Variants in PLEKHG1 observed in about 807,000 individuals in gnomAD.
The protein encoded by PLEKHG1 is pleckstrin homology domain-containing family G member 1.
A neutral mutation model predicts 100.8 loss-of-function variants in PLEKHG1; 44 were observed. The ratio of observed to expected loss-of-function variants is 0.44; its 90% CI spans 0.34 to 0.56. PLEKHG1 has a LOEUF of 0.56. Among genes scored for constraint, PLEKHG1 ranks in the 20% least tolerant of loss-of-function variants. PLEKHG1 has a pLI of 0.01. For synonymous variants in PLEKHG1, 640 were observed against 662.5 expected, an observed-to-expected ratio of 0.97 and a Z score of 0.52; for missense variants, 1,545 against 1,720.9, an observed-to-expected ratio of 0.90 and a Z score of 1.81.
intron 1 of PLEKHG1, among the ~76,000 whole-genome samples, chr6:150,632,632 A>C (rs1484822596): frequency 6.6e-6 from 1 of 152,250 alleles, no homozygotes; most frequent in African/African-American, 2.4e-5. Flanking sequence ...CAAATGTCCT[A>C]GGGCCATTAT....
Position 150,809,372 on chromosome 6 carries a change from C to T in PLEKHG1, c.1096-9C>T, listed in dbSNP as rs1279170642. 6.2e-7 allele frequency: 1 copy of T among 1,613,336 alleles called. No homozygotes were observed. On this transcript the variant is annotated splice_polypyrimidine_tract_variant and intron_variant, in intron 8 of 15. Transcript: ENST00000358517. ...GTGTGCCTCACCCTCTCTGCTCTCTCTGCTCTAGTGTGGCAACCTCATGCT... is the reference window on the plus strand; with the variant it reads ...GTGTGCCTCACCCTCTCTGCTCTCTTTGCTCTAGTGTGGCAACCTCATGCT...
rs1219559813 is a variant in PLEKHG1 at position 150,600,213 on chromosome 6, G to C, written c.-204+196G>C. Reference sequence around the variant, plus strand: ...GGGGGCGCCGAGCGGTGGGGACAGAGGGCGCCGGGGGCACCGCGCGGTGGG... The same window carrying C: ...GGGGGCGCCGAGCGGTGGGGACAGACGGCGCCGGGGGCACCGCGCGGTGGG... On this transcript the variant is annotated intron_variant, in intron 1 of 3. Coordinates refer to the PLEKHG1 transcript ENST00000367326. The surrounding 1 kb of genome is among the most constrained non-coding windows in gnomAD (Gnocchi z 6.2). Among the ~76,000 whole-genome samples the C allele has an allele frequency of 6.6e-6, 1 of 151,140 alleles. No homozygotes were observed. Among genetic ancestry groups the C allele is most frequent in the Admixed American group, 6.6e-5 (1 of 15,202 alleles).
At position 150,706,314 on chromosome 6, in the gene PLEKHG1, A is replaced by G. The variant is rs1246942214; in HGVS notation, c.-98-27270A>G. On this transcript the variant is annotated intron_variant, in intron 3 of 3. Transcript: ENST00000367326. ...GTCTTGATGTTCCATCAAGTTGTCA[A>G]TTTCAAAAACTATGCCAGGCATGGT... is the stretch of plus-strand genomic sequence containing the variant. 2.0e-5 allele frequency among the ~76,000 whole-genome samples: 3 copies of G among 152,056 alleles called. No individual in the cohort carries two copies. In the South Asian group the frequency reaches 6.2e-4, roughly 32 times the overall value.
chr6:150,721,253 T>G, intron 1 of PLEKHG1: 16 of 824,552 alleles, frequency 1.9e-5, no homozygotes, highest in South Asian at 5.5e-5. Context: ...CAAACGCTCC[T>G]TCCCTCTGGG....
intron 1 of PLEKHG1, among the ~76,000 whole-genome samples, chr6:150,628,206 A>G (rs1484275561): frequency 6.6e-6 from 1 of 152,204 alleles, no homozygotes; most frequent in African/African-American, 2.4e-5. Context: ...ACTGGCAATG[A>G]AGCAATGATT....
chr6:150,624,005 G>A (rs1298667644), intron 1 of PLEKHG1, among the ~76,000 whole-genome samples: 4 of 152,226 alleles, frequency 2.6e-5, no homozygotes, highest in African/African-American at 9.6e-5. Context: ...TCAGATTAAT[G>A]TATTAGATTA....
At chr6:150,604,801 G>A (rs1164094160) in intron 1 of PLEKHG1, among the ~76,000 whole-genome samples, 1 of 152,176 alleles carries the variant, frequency 6.6e-6, no homozygotes, top group Non-Finnish European at 1.5e-5. Flanking sequence ...ATGCTGAATG[G>A]GGGAGAGAAG....
intron 3 of PLEKHG1, among the ~76,000 whole-genome samples, chr6:150,779,345 T>TTTGTTTTTTTTTTTTTTG (rs1265492590): frequency 1.2e-5 from 1 of 84,156 alleles, no homozygotes; most frequent in African/African-American, 8.8e-5. Context: ...TGTCAAGAAG[T>TTTGTTTTTTTTTTTTTTG]TTTTTTTTTT....
At chr6:150,676,977 C>T (rs1313223479) in intron 3 of PLEKHG1, among the ~76,000 whole-genome samples, 1 of 151,940 alleles carries the variant, frequency 6.6e-6, no homozygotes, top group Non-Finnish European at 1.5e-5. Context: ...ATTCTCCCTG[C>T]AGCTGCCTTT....
exon 1 of PLEKHG1, chr6:150,599,899 GC>G: frequency 5.3e-6 from 1 of 188,490 alleles, no homozygotes; most frequent in Non-Finnish European, 1.1e-5. Flanking sequence ...CTGAGCCCGA[GC>G]CCGAGCCCGA....
In PLEKHG1 at chr6:150,711,193, T is replaced by G. The variant is rs76987344; in HGVS notation, c.-98-22391T>G. ...GTGGAAGCAGTAGGAAAGTATGTTC[T>G]TGACATACAAGGAGAAGGTGATCAT... On this transcript the variant is annotated intron_variant, in intron 3 of 3. Transcript: ENST00000367326. 4.8e-3 allele frequency among the ~76,000 whole-genome samples: 733 copies of G among 152,282 alleles called. 5 individuals carry two copies. The highest frequency in any genetic ancestry group is 0.017 in the African/African-American group (709 of 41,546).
At chr6:150,793,688 G>A (rs1786129526) in intron 4 of PLEKHG1, among the ~76,000 whole-genome samples, 1 of 152,120 alleles carries the variant, frequency 6.6e-6, no homozygotes, top group African/African-American at 2.4e-5. Flanking sequence ...TTCCATTAGA[G>A]GAAGCACAAA....
At position 150,714,549 on chromosome 6, in the gene PLEKHG1, T is replaced by G. The variant is rs77390921; in HGVS notation, c.-98-19035T>G. Among the ~76,000 whole-genome samples, 285 of 152,232 alleles carry G rather than the reference T, an allele frequency of 1.9e-3. 8 individuals are homozygous for G. In the East Asian group the frequency reaches 0.044, roughly 24 times the overall value. ...GGGAAAGGCAGGCCATGCACAACAG[T>G]GTGGTGAATAATAGGCTTTGTTTGT... On this transcript the variant is annotated intron_variant, in intron 3 of 3. Transcript: ENST00000367326.
chr6:150,796,504 A>G (rs1048681304), intron 5 of PLEKHG1, among the ~76,000 whole-genome samples: 4 of 152,212 alleles, frequency 2.6e-5, no homozygotes, highest in African/African-American at 7.2e-5. Context: ...TCAGTAAGGG[A>G]GTTGGGCCTA....
At chr6:150,813,179 C>T (rs1787637759) in intron 10 of PLEKHG1, among the ~76,000 whole-genome samples, 1 of 151,914 alleles carries the variant, frequency 6.6e-6, no homozygotes, top group South Asian at 2.1e-4. Context: ...GTGGCGGGTG[C>T]CTGTAGTCCC....
In PLEKHG1 at chr6:150,737,355, A is replaced by G. The variant is rs555780715; in HGVS notation, c.411+3263A>G. 3.4e-5 allele frequency among the ~76,000 whole-genome samples: 5 copies of G among 146,266 alleles called. No homozygotes were observed. The Admixed American group carries it at 3.5e-4, about 10-fold the overall frequency. On this transcript the variant is annotated intron_variant, in intron 2 of 15. Coordinates refer to ENST00000358517, the Ensembl canonical transcript of PLEKHG1. ...GCTGGAGTGCGGAGTGCAGTGGCGC[A>G]ATCTCGGCTCACTGCAAGCTCCGCT...
At chr6:150,760,903 G>A (rs757061416) in intron 2 of PLEKHG1, among the ~76,000 whole-genome samples, 1 of 151,946 alleles carries the variant, frequency 6.6e-6, no homozygotes, top group Non-Finnish European at 1.5e-5. Flanking sequence ...TTGTAAAAAG[G>A]CCTCTTATAA....
intron 1 of PLEKHG1, among the ~76,000 whole-genome samples, chr6:150,602,660 C>G (rs1393040216): frequency 1.3e-5 from 2 of 152,024 alleles, no homozygotes; most frequent in Non-Finnish European, 2.9e-5. Flanking sequence ...ATATGGTGTG[C>G]TTTGAAGATG....
intron 14 of PLEKHG1, among the ~76,000 whole-genome samples, chr6:150,829,548 G>A (rs957132515): frequency 6.6e-6 from 1 of 152,110 alleles, no homozygotes; most frequent in Admixed American, 6.6e-5. Context: ...AACCCAGGAG[G>A]CAGAGGTTGC....
Sources: gnomAD v4.1 joint callset for allele counts (sites outside exome capture counted in the v4.1 genomes callset) on GRCh38, gnomAD v4.1.1 for gene constraint, Gnocchi (gnomAD v3.1) non-coding constraint, MANE v1.5 for transcripts, NCBI Gene and HGNC (gene_info 2026-07-23, HGNC 2026-07-21) for gene names.